ZNF280D: variants seen among roughly 807,000 people sequenced by gnomAD.
ZNF280D encodes the protein suppressor of hairy wing homolog 4.
ZNF280D carries 39 observed loss-of-function variants against 94.7 expected under a neutral mutation model. The ratio of observed to expected loss-of-function variants is 0.41; its 90% CI spans 0.32 to 0.54. The LOEUF (loss-of-function observed/expected upper bound fraction) is 0.54, where lower values mean the gene tolerates loss of function less well. Ranked by LOEUF, ZNF280D falls within the 20% of genes least tolerant of loss-of-function variation. The pLI is 0.22. For synonymous variants in ZNF280D, 398 were observed against 377.6 expected, an observed-to-expected ratio of 1.05 and a Z score of -0.63; for missense variants, 1,090 against 1,149.3, an observed-to-expected ratio of 0.95 and a Z score of 0.75.
At chr15:56,718,753 ACAG>A (rs1567035802) in intron 1 of ZNF280D, among the ~76,000 whole-genome samples, 2 of 152,214 alleles carry the variant, frequency 1.3e-5, no homozygotes, top group Admixed American at 6.5e-5. Flanking sequence ...TGAGCTGAGC[ACAG>A]CAGGGCAGCT....
intron 16 of ZNF280D, among the ~76,000 whole-genome samples, chr15:56,665,665 C>T (rs1046990259): frequency 4.0e-5 from 5 of 126,232 alleles, no homozygotes; most frequent in South Asian, 2.6e-4. Context: ...AAGAGGATGA[C>T]GCCACTACAG....
intron 6 of ZNF280D, chr15:56,699,094 T>C (rs2056911076): frequency 2.0e-5 from 3 of 152,514 alleles, no homozygotes; most frequent in African/African-American, 7.2e-5. Flanking sequence ...CAGAAATAAA[T>C]ATCATTTCAA....
Position 56,671,421 on chromosome 15 carries a change from T to C in ZNF280D, c.1411-2464A>G, listed in dbSNP as rs527982570. On this transcript the variant is annotated intron_variant, in intron 13 of 21. Coordinates refer to ENST00000267807, the MANE Select transcript of ZNF280D (RefSeq NM_017661.4). ...CAGCCAGTTTCCCAATGACCATTTA[T>C]TGAATAGGGGAATCCTTTCCCCATA... 1.2e-4 allele frequency among the ~76,000 whole-genome samples: 18 copies of C among 152,270 alleles called. No individual in the cohort carries two copies. In the South Asian group the frequency reaches 1.9e-3, roughly 16 times the overall value.
intron 19 of ZNF280D, chr15:56,643,217 A>T (rs1224509356): frequency 3.2e-6 from 1 of 312,660 alleles, no homozygotes; most frequent in African/African-American, 2.1e-5. Context: ...ATCAATAAAG[A>T]CATTTATTTC....
intron 16 of ZNF280D, among the ~76,000 whole-genome samples, chr15:56,666,179 T>A (rs557011773): frequency 6.6e-6 from 1 of 152,288 alleles, no homozygotes; most frequent in African/African-American, 2.4e-5. Flanking sequence ...TATTCTAATT[T>A]CATTAGCTTA....
At chr15:56,662,141 GA>G (rs2053982213) in intron 16 of ZNF280D, among the ~76,000 whole-genome samples, 1 of 151,984 alleles carries the variant, frequency 6.6e-6, no homozygotes, top group Non-Finnish European at 1.5e-5. Flanking sequence ...TTTATGTAAA[GA>G]AAAATGCTTC....
intron 14 of ZNF280D, among the ~76,000 whole-genome samples, chr15:56,667,436 G>C (rs2140866856): frequency 6.6e-6 from 1 of 152,214 alleles, no homozygotes; most frequent in Middle Eastern, 3.4e-3. Context: ...CCTCTTTCCA[G>C]GGGCTCAGTG....
chr15:56,669,964 AT>A lies in ZNF280D; in HGVS notation c.1411-1008del, dbSNP rs2054696794. On this transcript the variant is annotated intron_variant, in intron 13 of 21. Transcript: ENST00000267807. The stretch of plus-strand genomic sequence containing the variant: ...TATATATATATTATATATATATATT[AT>A]ATATATATAATATATATATTATATA... 1.2e-3 allele frequency among the ~76,000 whole-genome samples: 2 copies of A among 1,692 alleles called. 1 individual carries two copies. Among genetic ancestry groups the A allele is most frequent in the Non-Finnish European group, 1.9e-3 (2 of 1,076 alleles). 1.1% of individuals were successfully genotyped at this position (1,692 alleles called of 152,430 possible). A position where few individuals can be genotyped will look rare whatever the true frequency, so the allele number is the denominator to read the frequency against.
intron 19 of ZNF280D, chr15:56,653,751 G>A: frequency 7.8e-7 from 1 of 1,285,968 alleles, no homozygotes; most frequent in Non-Finnish European, 9.8e-7. Context: ...TATTCTGAAG[G>A]CAAGTACAGC....
At chr15:56,672,506 C>A (rs1357687529) in intron 13 of ZNF280D, among the ~76,000 whole-genome samples, 2 of 152,044 alleles carry the variant, frequency 1.3e-5, no homozygotes, top group African/African-American at 2.4e-5. Flanking sequence ...GTCGAACCAA[C>A]CTTCCAACCT....
intron 7 of ZNF280D, among the ~76,000 whole-genome samples, chr15:56,691,836 A>G (rs2056441090): frequency 6.6e-6 from 1 of 152,208 alleles, no homozygotes; most frequent in Non-Finnish European, 1.5e-5. Context: ...AGCAAGAATT[A>G]AAGTTACATG....
chr15:56,722,796 T>C (rs1192965488), intron 1 of ZNF280D, among the ~76,000 whole-genome samples: 1 of 152,026 alleles, frequency 6.6e-6, no homozygotes, highest in African/African-American at 2.4e-5. Flanking sequence ...TATTGCGGCA[T>C]TATTCACAAT....
intron 1 of ZNF280D, among the ~76,000 whole-genome samples, chr15:56,714,788 A>G (rs2057949468): frequency 6.6e-6 from 1 of 152,192 alleles, no homozygotes; most frequent in Non-Finnish European, 1.5e-5. Flanking sequence ...CAAGTTAGTG[A>G]GCTCAGTCAA....
chr15:56,688,469 G>A (rs941082696), intron 9 of ZNF280D, among the ~76,000 whole-genome samples: 9 of 128,716 alleles, frequency 7.0e-5, no homozygotes, highest in Non-Finnish European at 9.4e-5. Context: ...CAGCATGGGT[G>A]ACAGAGCGAG....
At chr15:56,710,695 T>C (rs1379283208) in intron 1 of ZNF280D, among the ~76,000 whole-genome samples, 1 of 152,172 alleles carries the variant, frequency 6.6e-6, no homozygotes, top group African/African-American at 2.4e-5. Context: ...AATGTGGGTC[T>C]AAGTGTTTTA....
chr15:56,659,751 G>A (rs1168316739), intron 16 of ZNF280D, among the ~76,000 whole-genome samples: 1 of 151,820 alleles, frequency 6.6e-6, no homozygotes, highest in African/African-American at 2.4e-5. Context: ...ACAAAGGGCA[G>A]AGGAGCTCAG....
intron 19 of ZNF280D, chr15:56,652,888 A>C (rs915923977): frequency 1.0e-6 from 1 of 983,548 alleles, no homozygotes; most frequent in African/African-American, 1.7e-5. Context: ...ATCTGTAGAG[A>C]ATTCTAAGAA....
At chr15:56,690,177 T>TA (rs1162599471) in intron 7 of ZNF280D, among the ~76,000 whole-genome samples, 1 of 152,066 alleles carries the variant, frequency 6.6e-6, no homozygotes, top group African/African-American at 2.4e-5. Context: ...GGTCAGGAGA[T>TA]AGAGACCAGC....
At chr15:56,646,358 A>T (rs537227778) in intron 19 of ZNF280D, among the ~76,000 whole-genome samples, 7 of 152,268 alleles carry the variant, frequency 4.6e-5, no homozygotes, top group African/African-American at 1.7e-4. Flanking sequence ...TGAGCCCAGG[A>T]CTTTGAGGCT....
Sources: allele counts gnomAD v4.1 joint callset (sites outside exome capture counted in the v4.1 genomes callset), GRCh38; gene constraint gnomAD v4.1.1; transcripts MANE v1.5; gene names NCBI Gene and HGNC (gene_info 2026-07-23, HGNC 2026-07-21).